The following SNX24 variants were observed in gnomAD, a reference collection of about 807,000 sequenced individuals.
The protein encoded by SNX24 is sorting nexin 24, also known as sorting nexin-24.
Under a neutral mutation model 28.7 loss-of-function variants are expected in SNX24, and 22 were observed. The observed-to-expected ratio is 0.77, with a 90% confidence interval of 0.55 to 1.10. The LOEUF (loss-of-function observed/expected upper bound fraction) is 1.10. SNX24 is among the 50% of genes least tolerant of loss of function. The pLI is 0.00. For missense variants in SNX24, 221 were observed against 201.1 expected, an observed-to-expected ratio of 1.10 and a Z score of -0.60; for synonymous variants, 69 against 71.5, an observed-to-expected ratio of 0.96 and a Z score of 0.18.
At chr5:122,927,718 C>T (rs1758764195) in intron 1 of SNX24, among the ~76,000 whole-genome samples, 1 of 152,170 alleles carries the variant, frequency 6.6e-6, no homozygotes, top group Non-Finnish European at 1.5e-5. Flanking sequence ...GATCTAAAGG[C>T]CCCTATTTGA....
chr5:122,994,427 C>T (rs972524398), intron 3 of SNX24, among the ~76,000 whole-genome samples: 8 of 152,330 alleles, frequency 5.3e-5, no homozygotes, highest in Middle Eastern at 3.4e-3. Context: ...TAGGGCAGAA[C>T]AAGTCCCTCT....
intron 1 of SNX24, among the ~76,000 whole-genome samples, chr5:122,858,697 T>C (rs1284206736): frequency 6.6e-6 from 1 of 152,226 alleles, no homozygotes; most frequent in East Asian, 1.9e-4. Flanking sequence ...GCTCTTGGAT[T>C]TGTGCCAATC....
intron 5 of SNX24, chr5:123,023,674 C>T (rs751815540): frequency 1.1e-4 from 79 of 736,196 alleles, no homozygotes; most frequent in Non-Finnish European, 1.4e-4. Flanking sequence ...AGTTCAAAGT[C>T]CCTAAGCAGG....
At chr5:122,957,727 A>G (rs1004747592) in intron 3 of SNX24, among the ~76,000 whole-genome samples, 3 of 152,162 alleles carry the variant, frequency 2.0e-5, no homozygotes, top group East Asian at 3.8e-4. Flanking sequence ...TTTTCATTGT[A>G]TAAGTCTTTC....
At chr5:122,964,958 C>T (rs1050186332) in intron 3 of SNX24, among the ~76,000 whole-genome samples, 2 of 151,918 alleles carry the variant, frequency 1.3e-5, no homozygotes, top group African/African-American at 4.8e-5. Flanking sequence ...TCTAGTTCTC[C>T]TAGAATTTTT....
intron 6 of SNX24, 145 bp from the exon 7 acceptor site, chr5:123,007,537 C>T (rs1380137077): frequency 1.3e-6 from 1 of 757,064 alleles, no homozygotes; most frequent in Non-Finnish European, 2.1e-6. Context: ...AGCACATCCT[C>T]AACCAGGCAC....
At chr5:122,940,639 T>C (rs1308189492) in intron 2 of SNX24, among the ~76,000 whole-genome samples, 1 of 152,188 alleles carries the variant, frequency 6.6e-6, no homozygotes, top group Non-Finnish European at 1.5e-5. Context: ...TGGTGCAATC[T>C]AAGCTCACTG....
At chr5:122,975,221 C>T (rs1272782281) in intron 3 of SNX24, among the ~76,000 whole-genome samples, 1 of 152,200 alleles carries the variant, frequency 6.6e-6, no homozygotes, top group Non-Finnish European at 1.5e-5. Flanking sequence ...TCCTGTATGT[C>T]ACCCATCTGG....
chr5:123,027,539 C>T (rs1157131071), intron 5 of SNX24, among the ~76,000 whole-genome samples: 1 of 152,178 alleles, frequency 6.6e-6, no homozygotes, highest in Admixed American at 6.5e-5. Context: ...CGAGCGTCCT[C>T]AGCAAATCCC....
Position 122,847,502 on chromosome 5 carries a change from C to CTTTTTTTTTTT in SNX24, c.60+1810_60+1820dup, listed in dbSNP as rs1183386656. 8.6e-4 allele frequency among the ~76,000 whole-genome samples: 112 copies of CTTTTTTTTTTT among 130,776 alleles called. 5 individuals are homozygous for CTTTTTTTTTTT. The highest frequency in any genetic ancestry group is 9.7e-4 in the Non-Finnish European group (62 of 63,614). The allele number at this position is 130,776 out of a possible 152,430, so 85.8% of individuals were successfully genotyped here. ...CTAAACTGTTAAAATCTCTCTCTCT[C>CTTTTTTTTTTT]TTTTTTTTTTTGAGACAGTCTTCCT... On this transcript the variant is annotated intron_variant, in intron 1 of 6. Transcript: ENST00000261369.
chr5:122,883,667 AG>A (rs1306550172), intron 1 of SNX24, among the ~76,000 whole-genome samples: 1 of 151,904 alleles, frequency 6.6e-6, no homozygotes, highest in Non-Finnish European at 1.5e-5. Flanking sequence ...TTGTTTTTCG[AG>A]ACAGTATCTT....
chr5:122,987,587 T>TC (rs1340091363), intron 3 of SNX24, among the ~76,000 whole-genome samples: 7 of 152,288 alleles, frequency 4.6e-5, no homozygotes, highest in African/African-American at 1.7e-4. Context: ...AACTGAGCTG[T>TC]CCCGAGTACA....
intron 3 of SNX24, among the ~76,000 whole-genome samples, chr5:122,977,725 A>G (rs1306624716): frequency 1.3e-5 from 2 of 152,216 alleles, no homozygotes; most frequent in Non-Finnish European, 2.9e-5. Context: ...AAGTATTTAA[A>G]TTGTTAAGAA....
At chr5:122,963,767 A>G (rs1459658057) in intron 3 of SNX24, among the ~76,000 whole-genome samples, 1 of 152,232 alleles carries the variant, frequency 6.6e-6, no homozygotes, top group Admixed American at 6.5e-5. Context: ...TTTCATAGTC[A>G]TGTACTTTCT....
chr5:122,989,299 T>A (rs1391789749), intron 3 of SNX24, among the ~76,000 whole-genome samples: 1 of 152,216 alleles, frequency 6.6e-6, no homozygotes, highest in Non-Finnish European at 1.5e-5. Flanking sequence ...ATTTCCTTGA[T>A]TCTTTTGGCC....
chr5:122,982,779 T>C (rs908086412), intron 3 of SNX24, among the ~76,000 whole-genome samples: 43 of 152,180 alleles, frequency 2.8e-4, no homozygotes, highest in Admixed American at 2.8e-3. Flanking sequence ...TTCAGCGAAG[T>C]CCTTTAGTAG....
rs1408932547 is a variant in SNX24, at chr5:122,959,486, C to T, written c.249+13327C>T. Among the ~76,000 whole-genome samples, 5 of 151,806 alleles carry T rather than the reference C, an allele frequency of 3.3e-5. No homozygotes were observed. The South Asian group carries it at 6.2e-4, about 19-fold the overall frequency. ...CTGGGCTCAAGCGATCTGCCCACCT[C>T]GGCCTCCCAAAATGCTAGAATTACA... On this transcript the variant is annotated intron_variant, in intron 3 of 6. Transcript: ENST00000261369.
intron 3 of SNX24, among the ~76,000 whole-genome samples, chr5:122,951,717 C>A (rs539745683): frequency 1.3e-5 from 2 of 152,260 alleles, no homozygotes; most frequent in Admixed American, 1.3e-4. Context: ...ATGTTAACAA[C>A]CTTCGGGAAG....
intron 3 of SNX24, among the ~76,000 whole-genome samples, chr5:122,953,628 A>G (rs1760065896): frequency 6.6e-6 from 1 of 152,160 alleles, no homozygotes; most frequent in South Asian, 2.1e-4. Flanking sequence ...TCTTCAGTAG[A>G]AACATTAACT....
Sources: gnomAD v4.1 joint callset for allele counts (sites outside exome capture counted in the v4.1 genomes callset) on GRCh38, gnomAD v4.1.1 for gene constraint, MANE v1.5 for transcripts, NCBI Gene and HGNC (gene_info 2026-07-23, HGNC 2026-07-21) for gene names.